The following STAT5A variants were observed in gnomAD, a reference collection of about 807,000 sequenced individuals.
STAT5A encodes epididymis secretory sperm binding protein.
A neutral mutation model predicts 100.2 loss-of-function variants in STAT5A; 26 were observed. The ratio of observed to expected loss-of-function variants is 0.26; its 90% CI spans 0.19 to 0.36. The LOEUF (loss-of-function observed/expected upper bound fraction) is 0.36. Ranked by LOEUF, STAT5A falls within the 10% of genes least tolerant of loss-of-function variation. The probability of loss-of-function intolerance (pLI) is 1.00; values close to 1 mark genes in which losing one functional copy is unlikely to be tolerated. For synonymous variants in STAT5A, 330 were observed against 424.3 expected (o/e 0.78, Z 2.73); for missense variants, 634 against 1,027.5 (o/e 0.62, Z 5.24).
intron 4 of STAT5A, among the ~76,000 whole-genome samples, chr17:42,294,119 G>A (rs1265263857): frequency 2.6e-5 from 4 of 152,056 alleles, no homozygotes; most frequent in Admixed American, 6.6e-5. Flanking sequence ...GGGCGGCTGA[G>A]GCAGGAGAAT....
chr17:42,300,656 G>T lies in STAT5A; in HGVS notation c.834-59G>T, dbSNP rs2080968128. 2.5e-6 allele frequency: 4 copies of T among 1,613,366 alleles called. No individual in the cohort carries two copies. In the East Asian group the frequency reaches 8.9e-5, roughly 36 times the overall value. On this transcript the variant is annotated intron_variant, in intron 7 of 18. Transcript: ENST00000590949. ...GGGGGAACGGGAGCTGTGTCTTGGG[G>T]CCTGGCGTCTGTGAGGAGAAGCCAT...
At chr17:42,305,462 A>G in intron 11 of STAT5A, 148 bp from the exon 12 acceptor site, 1 of 612,236 alleles carries the variant, frequency 1.6e-6, no homozygotes, top group Middle Eastern at 3.7e-4. Context: ...AGATTGCACC[A>G]TTGCACTCCA....
intron 3 of STAT5A, among the ~76,000 whole-genome samples, chr17:42,290,563 G>A (rs1020500174): frequency 2.0e-5 from 3 of 152,182 alleles, no homozygotes; most frequent in African/African-American, 2.4e-5. Flanking sequence ...TGGAACTCAC[G>A]TATGTTTCCT....
chr17:42,299,656 G>C, intron 5 of STAT5A, 95 bp from the exon 6 acceptor site: 1 of 1,592,512 alleles, frequency 6.3e-7, no homozygotes, highest in Non-Finnish European at 8.6e-7. Flanking sequence ...TCTGAGCCTG[G>C]GAGGGTCTCG....
intron 18 of STAT5A, 64 bp downstream of exon 18, chr17:42,309,548 C>T: frequency 6.5e-7 from 1 of 1,535,380 alleles, no homozygotes; most frequent in Non-Finnish European, 8.9e-7. Flanking sequence ...GGCTGGACTC[C>T]TGGAGGGCTG....
At position 42,308,218 on chromosome 17, in the gene STAT5A, G is replaced by C. The variant is rs762447283; in HGVS notation, c.1947G>C (p.Arg649=). The C allele has an allele frequency of 7.1e-5, 115 of 1,614,096 alleles. 3 individuals carry two copies. The South Asian group carries it at 1.2e-3, about 17-fold the overall frequency. ...NLWNLKPFTT[R]DFSIRSLADR... The stretch of plus-strand genomic sequence containing the variant: ...GGAACCTGAAACCATTCACCACGCG[G>C]GATTTCTCCATCAGGTCCCTGGCTG... Residue 649 remains arginine (R), a synonymous_variant, in exon 16 of 19, where the codon CGG becomes CGC. Coordinates refer to ENST00000590949, the MANE Select transcript of STAT5A (RefSeq NM_001288718.2). This position sits in a 1 kb window ranked among gnomAD's most constrained non-coding sequence, Gnocchi z 4.6.
rs1405947153 is a variant in STAT5A at position 42,308,739 on chromosome 17, C to T, written c.2063-308C>T. The T allele has an allele frequency of 3.9e-6, 2 of 512,496 alleles. No individual in the cohort carries two copies. The highest frequency in any genetic ancestry group is 7.0e-5 in the East Asian group (2 of 28,448). The allele number at this position is 512,496 out of a possible 1,614,324, so 31.7% of individuals were successfully genotyped here. ...GCAAAAGGGAGAAGTCTCTCTTCTT[C>T]CAGCTGCCCCAAATCCATTGGTTGG... On this transcript the variant is annotated intron_variant, in intron 16 of 18. Coordinates refer to ENST00000590949, the MANE Select transcript of STAT5A (RefSeq NM_001288718.2). This position sits in a 1 kb window ranked among gnomAD's most constrained non-coding sequence, Gnocchi z 4.6.
Position 42,308,074 on chromosome 17 carries a change from C to G in STAT5A, c.1907-104C>G. 6.7e-7 allele frequency: 1 copy of G among 1,487,228 alleles called. No homozygotes were observed. The highest frequency in any genetic ancestry group is 9.1e-7 in the Non-Finnish European group (1 of 1,095,352). 92.1% of individuals were successfully genotyped at this position (1,487,228 alleles called of 1,614,324 possible). On this transcript the variant is annotated intron_variant, in intron 15 of 18. Coordinates refer to ENST00000590949, the MANE Select transcript of STAT5A (RefSeq NM_001288718.2). This position sits in a 1 kb window ranked among gnomAD's most constrained non-coding sequence, Gnocchi z 4.6. ...CAGGCTGGGGCTGCAGCGCAAGCTA[C>G]TATATAAAAGCCCAGATTTCTCTTG...
rs1189284899 is a variant in STAT5A, at chr17:42,301,386, C to A, written c.1101C>A (p.Pro367=). Residue 367 remains proline (P), a synonymous_variant, in exon 9 of 19, where the codon CCC becomes CCA. Transcript: ENST00000590949. ...GGKLNVHMNP[P]QVKATIISEQ... Reference sequence around the variant, plus strand: ...AGCTGAACGTGCACATGAATCCCCCCCAGGTGAAGGCCACCATCATCAGTG... The same window carrying A: ...AGCTGAACGTGCACATGAATCCCCCACAGGTGAAGGCCACCATCATCAGTG... 6.2e-7 allele frequency: 1 copy of A among 1,614,102 alleles called. No homozygotes were observed. Among genetic ancestry groups the A allele is most frequent in the Admixed American group, 1.7e-5 (1 of 60,004 alleles).
intron 4 of STAT5A, among the ~76,000 whole-genome samples, chr17:42,292,987 C>T (rs571391510): frequency 6.6e-6 from 1 of 152,086 alleles, no homozygotes; most frequent in African/African-American, 2.4e-5. Context: ...GAAGAACTAA[C>T]ACAGGCAGGC....
intron 3 of STAT5A, among the ~76,000 whole-genome samples, chr17:42,290,424 G>A (rs2080859330): frequency 6.6e-6 from 1 of 152,178 alleles, no homozygotes; most frequent in Non-Finnish European, 1.5e-5. Context: ...TGGACACAAG[G>A]GCTTTGAATT....
intron 2 of STAT5A, 28 bp downstream of exon 2, chr17:42,289,567 C>T: frequency 7.5e-6 from 12 of 1,607,926 alleles, no homozygotes; most frequent in Non-Finnish European, 1.0e-5. Flanking sequence ...TGCCCCTCCT[C>T]AGAGGGTCCC....
intron 9 of STAT5A, among the ~76,000 whole-genome samples, chr17:42,303,531 A>G (rs1296438408): frequency 1.3e-5 from 2 of 152,146 alleles, no homozygotes; most frequent in African/African-American, 4.8e-5. Context: ...GTAACATGGC[A>G]AAATCCAATC....
chr17:42,291,182 A>AATT lies in STAT5A; in HGVS notation c.286-788_286-787insTAT, dbSNP rs1253987462. On this transcript the variant is annotated intron_variant, in intron 3 of 18. Transcript: ENST00000590949. ...TAGATCCCTCGCATGTGCAGTTCAC[A>AATT]ATAGGGTTAGCATTCCTATGGGAAT... is the stretch of plus-strand genomic sequence containing the variant. Among the ~76,000 whole-genome samples, 5 of 152,222 alleles carry AATT rather than the reference A, an allele frequency of 3.3e-5. No homozygotes were observed. In the East Asian group the frequency reaches 7.7e-4, roughly 23 times the overall value.
At position 42,306,332 on chromosome 17, in the gene STAT5A, A is replaced by G. The variant is rs559393296; in HGVS notation, c.1565A>G (p.Asn522Ser). The G allele has an allele frequency of 3.7e-6, 6 of 1,614,094 alleles. No homozygotes were observed. The African/African-American group carries it at 5.3e-5, about 14-fold the overall frequency. ...NMKFKAEVQS[N>S]RGLTKENLVF... ...AAATTCAAGGCCGAAGTGCAGAGCAACCGGGGCCTGACCAAGGAGAACCTC... is the reference window on the plus strand; with the variant it reads ...AAATTCAAGGCCGAAGTGCAGAGCAGCCGGGGCCTGACCAAGGAGAACCTC... Residue 522 changes from asparagine to serine, a missense_variant, in exon 13 of 19, where the codon AAC (asparagine) becomes AGC (serine). By Grantham distance (46) the Asn-to-Ser change is conservative. Coordinates refer to ENST00000590949, the MANE Select transcript of STAT5A (RefSeq NM_001288718.2).
At position 42,288,533 on chromosome 17, in the gene STAT5A, C is replaced by T; in HGVS notation, c.-76C>T. On this transcript the variant is annotated 5_prime_UTR_variant, in exon 1 of 19. Transcript: ENST00000590949. This position sits in a 1 kb window ranked among gnomAD's most constrained non-coding sequence, Gnocchi z 4.8. ...GCCGCTGCCGCCGCCGCCAGGAACC[C>T]CGGCCGGGAGCGAGAGCCGCGGGGC... 1 of 153,392 alleles carries T rather than the reference C, an allele frequency of 6.5e-6. No individual in the cohort carries two copies. The highest frequency in any genetic ancestry group is 2.4e-5 in the African/African-American group (1 of 41,576). 9.5% of individuals were successfully genotyped at this position (153,392 alleles called of 1,614,324 possible). A position where few individuals can be genotyped will look rare whatever the true frequency, so the allele number is the denominator to read the frequency against.
chr17:42,291,920 G>T, intron 3 of STAT5A, 52 bp from the exon 4 acceptor site: 1 of 1,596,936 alleles, frequency 6.3e-7, no homozygotes, highest in Non-Finnish European at 8.6e-7. Flanking sequence ...GCATGGGGCT[G>T]GCATGGCTGG....
Position 42,289,450 on chromosome 17 carries a change from C to T in STAT5A, c.39C>T (p.Asp13=), listed in dbSNP as rs2144488210. Residue 13 remains aspartate (D), a synonymous_variant, in exon 2 of 19, where the codon GAC becomes GAT. Transcript: ENST00000590949. ...TCCAGGCCCAGCAGCTGCAGGGAGA[C>T]GCGCTGCGCCAGATGCAGGTGCTGT... ...GWIQAQQLQG[D]ALRQMQVLYG... is the part of the protein sequence containing the mutation. 6.2e-7 allele frequency: 1 copy of T among 1,612,838 alleles called. No individual in the cohort carries two copies. Among genetic ancestry groups the T allele is most frequent in the Non-Finnish European group, 8.5e-7 (1 of 1,179,826 alleles).
chr17:42,301,826 T>C (rs769519554), intron 9 of STAT5A, among the ~76,000 whole-genome samples: 7 of 152,212 alleles, frequency 4.6e-5, no homozygotes, highest in Non-Finnish European at 8.8e-5. Context: ...CTGGGACAGA[T>C]GGTACACTGC....
Sources: allele counts gnomAD v4.1 joint callset (sites outside exome capture counted in the v4.1 genomes callset), GRCh38; gene constraint gnomAD v4.1.1; non-coding constraint Gnocchi (gnomAD v3.1); transcripts MANE v1.5; gene names NCBI Gene and HGNC (gene_info 2026-07-23, HGNC 2026-07-21).